The following SYNE2 variants were observed in gnomAD, a reference collection of about 807,000 sequenced individuals.
The protein encoded by SYNE2 is spectrin repeat containing nuclear envelope protein 2.
SYNE2 carries 431 observed loss-of-function variants against 856.3 expected under a neutral mutation model. That is an observed-to-expected ratio of 0.50 (90% CI 0.47 to 0.55). The LOEUF (loss-of-function observed/expected upper bound fraction) is 0.55. Ranked by LOEUF, SYNE2 falls within the 20% of genes least tolerant of loss-of-function variation. The probability of loss-of-function intolerance (pLI) is 0.00; values close to 1 mark genes in which losing one functional copy is unlikely to be tolerated. For missense variants in SYNE2, 8,129 were observed against 8,023.2 expected (o/e 1.01, Z -0.50); for synonymous variants, 2,923 against 2,872.3 (o/e 1.02, Z -0.56).
In SYNE2 at chr14:63,998,997, A is replaced by T. The variant is rs1172562035; in HGVS notation, c.3437A>T (p.Asp1146Val). The T allele has an allele frequency of 6.2e-7, 1 of 1,613,720 alleles. No homozygotes were observed. The highest frequency in any genetic ancestry group is 1.3e-5 in the African/African-American group (1 of 74,932). The change falls in exon 27 of 116, where the codon GAC becomes GTC. Residue 1146 changes from aspartate (D) to valine (V), a missense_variant. Physicochemically the swap from Asp to Val is radical, Grantham distance 152 (BLOSUM62 -3). Around this residue, in one of 3 missense-constraint regions of SYNE2, gnomAD observed 2,422 missense variants for 2,357.4 expected, o/e 1.03. Coordinates refer to ENST00000555002, the MANE Select transcript of SYNE2 (RefSeq NM_182914.3). ...RITSDFSSEEDRSSSCLQAKL... is the reference protein window; with the variant it reads ...RITSDFSSEEVRSSSCLQAKL... ...ACTTCTGATTTCTCTAGTGAAGAGG[A>T]CAGGAGTAGTTCTTGTCTGCAGGCT...
At chr14:64,001,416 G>A (rs1015490825) in intron 28 of SYNE2, among the ~76,000 whole-genome samples, 1 of 152,210 alleles carries the variant, frequency 6.6e-6, no homozygotes, top group African/African-American at 2.4e-5. Flanking sequence ...CAGGCACTGT[G>A]GCTCCTGCCC....
In SYNE2 at chr14:64,125,086, C is replaced by G. The variant is rs758104463; in HGVS notation, c.13430C>G (p.Thr4477Arg). 6.2e-7 allele frequency: 1 copy of G among 1,614,134 alleles called. No homozygotes were observed. The highest frequency in any genetic ancestry group is 2.2e-5 in the East Asian group (1 of 44,870). ...LPQLVEPQVS[T>R]NMGILPSVTM... ...TTTTCCTTTGTCAAATAGGTTTCCA[C>G]AAATATGGGTATTCTACCCAGCGTG... Residue 4477 changes from threonine (T) to arginine (R), a missense_variant, in exon 71 of 116, where the codon ACA becomes AGA. Thr to Arg is a moderately conservative substitution (Grantham distance 71). Coordinates refer to ENST00000555002, the MANE Select transcript of SYNE2 (RefSeq NM_182914.3).
intron 1 of SYNE2, among the ~76,000 whole-genome samples, chr14:63,813,537 G>A (rs1046726779): frequency 1.3e-5 from 2 of 152,224 alleles, no homozygotes; most frequent in African/African-American, 4.8e-5. Flanking sequence ...GCTCACACCT[G>A]TAATCCCAAC....
intron 57 of SYNE2, among the ~76,000 whole-genome samples, chr14:64,086,841 C>G (rs2097566390): frequency 1.3e-5 from 2 of 150,402 alleles, no homozygotes; most frequent in South Asian, 4.2e-4. Flanking sequence ...TCCTGAGTAG[C>G]TGGGATTACA....
intron 1 of SYNE2, among the ~76,000 whole-genome samples, chr14:63,820,713 T>C (rs1219774137): frequency 1.3e-5 from 2 of 151,750 alleles, no homozygotes; most frequent in African/African-American, 4.8e-5. Flanking sequence ...TTGGGATGGA[T>C]GAGCTAGGTG....
intron 84 of SYNE2, 69 bp from the exon 85 acceptor site, chr14:64,152,495 T>C: frequency 1.3e-6 from 2 of 1,520,948 alleles, no homozygotes; most frequent in Non-Finnish European, 9.1e-7. Context: ...AGTGAACTCC[T>C]GTCTCTGACA....
At chr14:64,142,560 A>C (rs2098147347) in intron 82 of SYNE2, among the ~76,000 whole-genome samples, 1 of 152,298 alleles carries the variant, frequency 6.6e-6, no homozygotes, top group Admixed American at 6.5e-5. Context: ...TCTCCCAGCC[A>C]GACTAGGTGA....
At position 64,114,968 on chromosome 14, in the gene SYNE2, G is replaced by T. The variant is rs114136451; in HGVS notation, c.12840+1397G>T. On this transcript the variant is annotated intron_variant, in intron 66 of 115. Coordinates refer to ENST00000555002, the MANE Select transcript of SYNE2 (RefSeq NM_182914.3). ...GGTTCACTCAGATACTGGCACTGCCGCTTGGCCTGGCTGATGAGGCCCAGG... is the reference window on the plus strand; with the variant it reads ...GGTTCACTCAGATACTGGCACTGCCTCTTGGCCTGGCTGATGAGGCCCAGG... 9.1e-3 allele frequency among the ~76,000 whole-genome samples: 1,381 copies of T among 152,282 alleles called. 28 individuals carry two copies. The highest frequency in any genetic ancestry group is 0.032 in the African/African-American group (1,329 of 41,574).
intron 49 of SYNE2, among the ~76,000 whole-genome samples, chr14:64,058,298 T>G (rs539551246): frequency 6.6e-6 from 1 of 152,296 alleles, no homozygotes; most frequent in East Asian, 1.9e-4. Flanking sequence ...TTGTATATGA[T>G]GAGAGATAGG....
At chr14:64,054,325 AAAT>A (rs1307163782) in intron 48 of SYNE2, among the ~76,000 whole-genome samples, 8 of 152,212 alleles carry the variant, frequency 5.3e-5, no homozygotes, top group African/African-American at 1.9e-4. Flanking sequence ...GAAGAACACC[AAAT>A]AATAACTAAC....
intron 45 of SYNE2, among the ~76,000 whole-genome samples, chr14:64,040,934 ACAC>A (rs1258722556): frequency 2.0e-5 from 3 of 152,016 alleles, no homozygotes; most frequent in African/African-American, 7.2e-5. Flanking sequence ...AAATAGTAAA[ACAC>A]CAGAGCCAAA....
Position 64,129,766 on chromosome 14 carries a change from A to G in SYNE2, c.14020-16A>G, listed in dbSNP as rs776636243. ...TTACTGAAGGGTTTTCTTTTCTTGT[A>G]TTGTCTCTCACTTAGAAAGCAGATG... On this transcript the variant is annotated splice_polypyrimidine_tract_variant and intron_variant, in intron 74 of 115. Transcript: ENST00000555002. 46 of 1,613,820 alleles carry G rather than the reference A, an allele frequency of 2.9e-5. No homozygotes were observed. The South Asian group carries it at 4.4e-4, about 15-fold the overall frequency.
chr14:64,170,406 A>G lies in SYNE2; in HGVS notation c.17179A>G (p.Lys5727Glu), dbSNP rs1471834363. 6.2e-7 allele frequency: 1 copy of G among 1,614,186 alleles called. No individual in the cohort carries two copies. Among genetic ancestry groups the G allele is most frequent in the Non-Finnish European group, 8.5e-7 (1 of 1,180,032 alleles). Residue 5727 changes from lysine (K) to glutamate (E), a missense_variant, in exon 94 of 116, where the codon AAG (lysine) becomes GAG (glutamate). Coordinates refer to ENST00000555002, the MANE Select transcript of SYNE2 (RefSeq NM_182914.3). ...TDTSHLLSAV[K>E]GQERFSLYQT... ...CACCAGCCACCTGCTATCTGCAGTG[A>G]AGGGCCAGGAGCGCTTCAGCCTCTA... is the stretch of plus-strand genomic sequence containing the variant.
At chr14:64,145,381 G>A (rs985076680) in intron 83 of SYNE2, among the ~76,000 whole-genome samples, 2 of 151,928 alleles carry the variant, frequency 1.3e-5, no homozygotes, top group African/African-American at 4.8e-5. Context: ...GGCGGCACGT[G>A]CCTGTAATCC....
intron 49 of SYNE2, among the ~76,000 whole-genome samples, chr14:64,059,137 T>C (rs2153583787): frequency 6.6e-6 from 1 of 152,346 alleles, no homozygotes; most frequent in Admixed American, 6.5e-5. Context: ...AAAGGTCACA[T>C]ATTTCTCTCT....
At chr14:63,976,276 T>C (rs1043196762) in intron 11 of SYNE2, among the ~76,000 whole-genome samples, 2 of 152,214 alleles carry the variant, frequency 1.3e-5, no homozygotes, top group South Asian at 4.1e-4. Context: ...CTTTTAATCT[T>C]TTGAATTTCC....
intron 1 of SYNE2, among the ~76,000 whole-genome samples, chr14:63,821,705 A>G (rs577063756): frequency 9.3e-4 from 142 of 151,904 alleles, no homozygotes; most frequent in African/African-American, 3.3e-3. Context: ...GTGAGCCAAG[A>G]TCGTGCCACT....
intron 1 of SYNE2, among the ~76,000 whole-genome samples, chr14:63,898,742 T>A (rs2095295083): frequency 6.6e-6 from 1 of 152,178 alleles, no homozygotes; most frequent in Non-Finnish European, 1.5e-5. Context: ...GTTTAGGACA[T>A]ACATTTTTTT....
chr14:63,953,080 A>T (rs1566896553), intron 7 of SYNE2, among the ~76,000 whole-genome samples: 1 of 152,220 alleles, frequency 6.6e-6, no homozygotes, highest in Non-Finnish European at 1.5e-5. Context: ...ATGAGTCTAC[A>T]GTGGTGAACA....
Sources: gnomAD v4.1 joint callset for allele counts (sites outside exome capture counted in the v4.1 genomes callset) on GRCh38, gnomAD v4.1.1 for gene constraint, gnomAD v4.1.1 regional missense constraint, MANE v1.5 for transcripts, NCBI Gene and HGNC (gene_info 2026-07-23, HGNC 2026-07-21) for gene names.